ADAMTS17: variants seen among roughly 807,000 people sequenced by gnomAD.
ADAMTS17 encodes A disintegrin and metalloproteinase with thrombospondin motifs 17.
A neutral mutation model predicts 141.5 loss-of-function variants in ADAMTS17; 113 were observed. That is an observed-to-expected ratio of 0.80 (90% CI 0.69 to 0.93). The LOEUF is 0.93. Ranked by LOEUF, ADAMTS17 falls within the 40% of genes least tolerant of loss-of-function variation. The pLI, the probability that ADAMTS17 is intolerant of heterozygous loss-of-function variation, is 0.00. For synonymous variants in ADAMTS17, 768 were observed against 630.6 expected, an observed-to-expected ratio of 1.22 and a Z score of -3.27; for missense variants, 1,659 against 1,517.9, an observed-to-expected ratio of 1.09 and a Z score of -1.54.
rs542532937 is a variant in ADAMTS17 at position 100,114,417 on chromosome 15, T to C, written c.1888+2430A>G. ...TAATCCGTATTCCCCTCCTGCCTTC[T>C]AAATTGGCCATCTATTATTTTGTTT... On this transcript the variant is annotated intron_variant, in intron 13 of 21. Transcript: ENST00000268070. Among the ~76,000 whole-genome samples, 209 of 152,300 alleles carry C rather than the reference T, an allele frequency of 1.4e-3. 1 individual carries two copies. The highest frequency in any genetic ancestry group is 2.5e-3 in the Non-Finnish European group (173 of 68,030).
chr15:100,093,330 C>A (rs2035579427), intron 15 of ADAMTS17, among the ~76,000 whole-genome samples: 1 of 152,146 alleles, frequency 6.6e-6, no homozygotes, highest in Non-Finnish European at 1.5e-5. Context: ...CAGGACTTCA[C>A]AAAATTGGGC....
chr15:100,188,328 CA>C (rs999032056), intron 8 of ADAMTS17, among the ~76,000 whole-genome samples: 8 of 151,904 alleles, frequency 5.3e-5, no homozygotes, highest in Non-Finnish European at 1.0e-4. Flanking sequence ...CTGCCCGCCT[CA>C]GCCTCCCGAA....
At chr15:100,032,632 G>A (rs946507383) in intron 18 of ADAMTS17, among the ~76,000 whole-genome samples, 1 of 152,182 alleles carries the variant, frequency 6.6e-6, no homozygotes, top group Non-Finnish European at 1.5e-5. Flanking sequence ...ATTTAGAGCT[G>A]CCTTGGTCAA....
At chr15:100,271,173 C>G (rs948862025) in intron 4 of ADAMTS17, among the ~76,000 whole-genome samples, 15 of 152,144 alleles carry the variant, frequency 9.9e-5, no homozygotes, top group Non-Finnish European at 1.8e-4. Flanking sequence ...TTGCTTCCAC[C>G]ATTTAGTTAT....
chr15:100,225,844 AGTCCTTACAGCAGTCACGGC>A (rs2042290492), intron 7 of ADAMTS17, among the ~76,000 whole-genome samples: 1 of 133,742 alleles, frequency 7.5e-6, no homozygotes, highest in East Asian at 2.3e-4. Flanking sequence ...TGTGCCATTC[AGTCCTTACAGCAGTCACGGC>A]CTCTGCGCCA....
At chr15:100,195,410 G>T (rs1464468361) in intron 8 of ADAMTS17, among the ~76,000 whole-genome samples, 3 of 152,104 alleles carry the variant, frequency 2.0e-5, no homozygotes, top group South Asian at 4.1e-4. Flanking sequence ...GGAGAGGCAG[G>T]ATCTGTGAGA....
chr15:100,292,165 G>GGGAGTCACGAGAGACGCTCAGCCCGTGA lies in ADAMTS17; in HGVS notation c.617-10765_617-10764insTCACGGGCTGAGCGTCTCTCGTGACTCC, dbSNP rs1567496984. On this transcript the variant is annotated intron_variant, in intron 3 of 21. Coordinates refer to ENST00000268070, the MANE Select transcript of ADAMTS17 (RefSeq NM_139057.4). ...AGTCACGAGACACGCTCACCCCGTGGGAAACTACGAGACACGCTCACCCCG... is the reference window on the plus strand; with the variant it reads ...AGTCACGAGACACGCTCACCCCGTGGGGAGTCACGAGAGACGCTCAGCCCGTGAGAAACTACGAGACACGCTCACCCCG... 5.4e-4 allele frequency among the ~76,000 whole-genome samples: 67 copies of GGGAGTCACGAGAGACGCTCAGCCCGTGA among 124,334 alleles called. 1 individual carries two copies. The East Asian group carries it at 6.2e-3, about 12-fold the overall frequency. The allele number at this position is 124,334 out of a possible 152,430, so 81.6% of individuals were successfully genotyped here. A position where few individuals can be genotyped will look rare whatever the true frequency, so the allele number is the denominator to read the frequency against.
At chr15:100,224,026 C>T (rs1314061573) in intron 7 of ADAMTS17, among the ~76,000 whole-genome samples, 3 of 152,066 alleles carry the variant, frequency 2.0e-5, no homozygotes, top group Admixed American at 1.3e-4. Context: ...CTCCTTTTCA[C>T]GTTTTTCTTA....
At chr15:100,281,942 A>G (rs7497140) in intron 3 of ADAMTS17, among the ~76,000 whole-genome samples, 62,921 of 152,008 alleles carry the variant, frequency 0.41, 13,666 homozygotes, top group South Asian at 0.58. Flanking sequence ...ATCAGAAGGA[A>G]AATCATACGA....
rs545064299 is a variant in ADAMTS17, at chr15:100,221,540, C to T, written c.1076-22117G>A. Among the ~76,000 whole-genome samples the T allele has an allele frequency of 8.5e-5, 13 of 152,266 alleles. No individual in the cohort carries two copies. In the East Asian group the frequency reaches 9.6e-4, roughly 11 times the overall value. On this transcript the variant is annotated intron_variant, in intron 7 of 21. Transcript: ENST00000268070. ...AGTAACAAACTCTGCCCTGAGATAACGGAAGTTCTAATATACTTCCACCTC... is the reference window on the plus strand; with the variant it reads ...AGTAACAAACTCTGCCCTGAGATAATGGAAGTTCTAATATACTTCCACCTC...
intron 15 of ADAMTS17, among the ~76,000 whole-genome samples, chr15:100,090,655 G>C (rs1338172440): frequency 6.6e-6 from 1 of 152,132 alleles, no homozygotes; most frequent in Non-Finnish European, 1.5e-5. Context: ...CTCAACGCAG[G>C]GCAGTCCTTA....
intron 7 of ADAMTS17, among the ~76,000 whole-genome samples, chr15:100,217,276 A>G (rs1022344402): frequency 2.6e-5 from 4 of 152,254 alleles, no homozygotes; most frequent in African/African-American, 4.8e-5. Context: ...CCTACTTCGC[A>G]TCATACACAA....
chr15:100,116,160 C>CAAA (rs2037117458), intron 13 of ADAMTS17, among the ~76,000 whole-genome samples: 5 of 127,438 alleles, frequency 3.9e-5, no homozygotes, highest in African/African-American at 1.8e-4. Flanking sequence ...AAAAAAAAAC[C>CAAA]CAACAACCCT....
chr15:100,188,159 C>G (rs1472331388), intron 8 of ADAMTS17, among the ~76,000 whole-genome samples: 1 of 151,988 alleles, frequency 6.6e-6, no homozygotes, highest in East Asian at 1.9e-4. Context: ...TCACTGTAAC[C>G]TCCACCTCCC....
chr15:100,053,384 A>G (rs4633693), intron 16 of ADAMTS17, among the ~76,000 whole-genome samples: 56,466 of 151,974 alleles, frequency 0.37, 12,298 homozygotes, highest in African/African-American at 0.6. Flanking sequence ...TAGAATACCC[A>G]CATCATCTGA....
intron 12 of ADAMTS17, among the ~76,000 whole-genome samples, chr15:100,124,821 G>A (rs1217693423): frequency 2.0e-5 from 3 of 152,184 alleles, no homozygotes; most frequent in Admixed American, 2.0e-4. Context: ...CCAAGCGCCT[G>A]CAGAACAAGG....
At chr15:100,138,149 A>C (rs2038434842) in intron 10 of ADAMTS17, among the ~76,000 whole-genome samples, 1 of 152,134 alleles carries the variant, frequency 6.6e-6, no homozygotes, top group Non-Finnish European at 1.5e-5. Context: ...GGTGTTTACC[A>C]GTTCTGAAAA....
At chr15:100,133,345 T>C in intron 10 of ADAMTS17, 30 bp from the exon 11 acceptor site, 2 of 1,554,880 alleles carry the variant, frequency 1.3e-6, no homozygotes, top group African/African-American at 1.4e-5. Context: ...ACCATAATTG[T>C]GGAGAACACC....
At chr15:100,317,703 GA>G (rs2045609784) in intron 3 of ADAMTS17, among the ~76,000 whole-genome samples, 1 of 152,176 alleles carries the variant, frequency 6.6e-6, no homozygotes, top group East Asian at 1.9e-4. Context: ...GTCAGCAAAA[GA>G]AATAGTAAGT....
Sources: gnomAD v4.1 joint callset for allele counts (sites outside exome capture counted in the v4.1 genomes callset) on GRCh38, gnomAD v4.1.1 for gene constraint, MANE v1.5 for transcripts, NCBI Gene and HGNC (gene_info 2026-07-23, HGNC 2026-07-21) for gene names.